Variants in VWA2 observed in about 807,000 individuals in gnomAD.
VWA2 encodes von Willebrand factor A domain containing 2, also known as von Willebrand factor A domain-containing protein 2.
A neutral mutation model predicts 70.4 loss-of-function variants in VWA2; 73 were observed. That is an observed-to-expected ratio of 1.04 (90% CI 0.86 to 1.26). VWA2 has a LOEUF of 1.26. VWA2 is among the 50% of genes most tolerant of loss of function. The probability of loss-of-function intolerance (pLI) is 0.00; values close to 1 mark genes in which losing one functional copy is unlikely to be tolerated. For missense variants in VWA2, 1,011 were observed against 998.5 expected (o/e 1.01, Z -0.17); for synonymous variants, 407 against 423.3 (o/e 0.96, Z 0.47).
chr10:114,246,997 T>C (rs2037086446), intron 1 of VWA2, among the ~76,000 whole-genome samples: 1 of 152,148 alleles, frequency 6.6e-6, no homozygotes, highest in African/African-American at 2.4e-5. Flanking sequence ...CCCCTCAGCC[T>C]GGGCCAGGCA....
chr10:114,282,602 T>C (rs1478502136), intron 9 of VWA2, 31 bp downstream of exon 9: 3 of 1,605,094 alleles, frequency 1.9e-6, no homozygotes, highest in South Asian at 1.1e-5. Context: ...TTACAGGTTC[T>C]TTCAGGGCCC....
chr10:114,283,669 T>C (rs985154450), intron 9 of VWA2, among the ~76,000 whole-genome samples: 1 of 152,250 alleles, frequency 6.6e-6, no homozygotes, highest in Non-Finnish European at 1.5e-5. Context: ...TATAGGGTTT[T>C]TATAGTTCCT....
At position 114,277,168 on chromosome 10, in the gene VWA2, C is replaced by CTT. The variant is rs780326649; in HGVS notation, c.567-717_567-716dup. Reference sequence around the variant, plus strand: ...TCTAGATACATTACTGACTGCACGTCTTTTTTTTTTTTTTTTTTTTTTTTT... The same window carrying CTT: ...TCTAGATACATTACTGACTGCACGTCTTTTTTTTTTTTTTTTTTTTTTTTTTT... On this transcript the variant is annotated intron_variant, in intron 6 of 13. Coordinates refer to ENST00000392982, the MANE Select transcript of VWA2 (RefSeq NM_001272046.2). Among the ~76,000 whole-genome samples, 414 of 61,210 alleles carry CTT rather than the reference C, an allele frequency of 6.8e-3. 122 individuals carry two copies. The highest frequency in any genetic ancestry group is 7.9e-3 in the Non-Finnish European group (256 of 32,336). The allele number at this position is 61,210 out of a possible 152,430, so 40.2% of individuals were successfully genotyped here.
chr10:114,260,231 G>A lies in VWA2; in HGVS notation c.262-955G>A, dbSNP rs1589749324. On this transcript the variant is annotated intron_variant, in intron 4 of 13. Coordinates refer to ENST00000392982, the MANE Select transcript of VWA2 (RefSeq NM_001272046.2). ...TTGTAGTCTTCTCTGCTCAAGACAC[G>A]CTAGTGCCTTAAGGATCCAGAGAGC... Among the ~76,000 whole-genome samples, 3 of 152,138 alleles carry A rather than the reference G, an allele frequency of 2.0e-5. No individual in the cohort carries two copies. In the South Asian group the frequency reaches 6.2e-4, roughly 31 times the overall value.
At chr10:114,284,551 C>G (rs2038608993) in intron 9 of VWA2, among the ~76,000 whole-genome samples, 1 of 152,210 alleles carries the variant, frequency 6.6e-6, no homozygotes. Flanking sequence ...AGCTCTCTCT[C>G]AGTCTTGAGG....
intron 9 of VWA2, among the ~76,000 whole-genome samples, chr10:114,283,311 A>C (rs2038421804): frequency 7.0e-6 from 1 of 142,444 alleles, no homozygotes; most frequent in Non-Finnish European, 1.5e-5. Flanking sequence ...GCAGTTAGAC[A>C]CACAGGCAGG....
intron 6 of VWA2, among the ~76,000 whole-genome samples, chr10:114,277,234 A>T (rs898177004): frequency 8.6e-6 from 1 of 116,068 alleles, no homozygotes; most frequent in Admixed American, 1.3e-4. Context: ...CCCAGGCTGG[A>T]TTGCAGTGGC....
At position 114,278,707 on chromosome 10, in the gene VWA2, T is replaced by C. The variant is rs1387177699; in HGVS notation, c.701-12T>C. 9 of 1,613,698 alleles carry C rather than the reference T, an allele frequency of 5.6e-6. No individual in the cohort carries two copies. The East Asian group carries it at 8.9e-5, about 16-fold the overall frequency. Reference sequence around the variant, plus strand: ...TCTCCTCCGTGGGTGTGGGTGTGTGTTGTGGACACAGACTGCAGGGTCGAG... The same window carrying C: ...TCTCCTCCGTGGGTGTGGGTGTGTGCTGTGGACACAGACTGCAGGGTCGAG... On this transcript the variant is annotated splice_polypyrimidine_tract_variant and intron_variant, in intron 7 of 13. Transcript: ENST00000392982.
intron 4 of VWA2, among the ~76,000 whole-genome samples, chr10:114,258,957 C>T (rs1181074803): frequency 6.6e-6 from 1 of 152,104 alleles, no homozygotes; most frequent in Non-Finnish European, 1.5e-5. Flanking sequence ...AGGATTTCTC[C>T]AGGTCTAATT....
At position 114,288,997 on chromosome 10, in the gene VWA2, C is replaced by T. The variant is rs1178901617; in HGVS notation, c.1630C>T (p.Pro544Ser). The change falls in exon 12 of 14, where the codon CCC becomes TCC. Residue 544 changes from proline (P) to serine (S), a missense_variant. Pro to Ser is a moderately conservative substitution (Grantham distance 74, BLOSUM62 -1). Coordinates refer to ENST00000392982, the MANE Select transcript of VWA2 (RefSeq NM_001272046.2). Reference protein sequence around the residue: ...FMLDTSASVGPENFAQMQSFV... With the variant: ...FMLDTSASVGSENFAQMQSFV... The stretch of plus-strand genomic sequence containing the variant: ...GTTGGACACCTCTGCCTCAGTAGGG[C>T]CCGAGAATTTTGCTCAGATGCAGAG... 6.2e-7 allele frequency: 1 copy of T among 1,614,116 alleles called. No individual in the cohort carries two copies. The highest frequency in any genetic ancestry group is 8.5e-7 in the Non-Finnish European group (1 of 1,180,006).
At chr10:114,265,749 C>T (rs1466172529) in intron 5 of VWA2, among the ~76,000 whole-genome samples, 1 of 152,182 alleles carries the variant, frequency 6.6e-6, no homozygotes, top group Non-Finnish European at 1.5e-5. Context: ...AGAATGAAGA[C>T]TTCTTATGTG....
chr10:114,282,017 C>CTTTTTTCTTTTTT, intron 8 of VWA2, among the ~76,000 whole-genome samples: 1 of 119,704 alleles, frequency 8.4e-6, no homozygotes, highest in South Asian at 2.7e-4. Context: ...CTTATGTTAC[C>CTTTTTTCTTTTTT]TTTTTTTTTT....
rs182595291 is a variant in VWA2, at chr10:114,250,092, A to C, written c.52+1327A>C. ...CAATTCCCCTGGGACCTCCAGATCA[A>C]GTCACATCCCCCTCTTCAAACCCCT... On this transcript the variant is annotated intron_variant, in intron 2 of 13. Coordinates refer to ENST00000392982, the MANE Select transcript of VWA2 (RefSeq NM_001272046.2). Among the ~76,000 whole-genome samples the C allele has an allele frequency of 1.0e-3, 158 of 152,312 alleles. 1 individual carries two copies. Among genetic ancestry groups the C allele is most frequent in the African/African-American group, 3.7e-3 (152 of 41,570 alleles).
At chr10:114,242,503 G>A (rs2036990706) in intron 1 of VWA2, among the ~76,000 whole-genome samples, 1 of 151,524 alleles carries the variant, frequency 6.6e-6, no homozygotes, top group Non-Finnish European at 1.5e-5. Flanking sequence ...GTGCCCCTGT[G>A]TACCAGTAAA....
At chr10:114,277,669 T>C (rs975252036) in intron 6 of VWA2, among the ~76,000 whole-genome samples, 1 of 152,234 alleles carries the variant, frequency 6.6e-6, no homozygotes, top group African/African-American at 2.4e-5. Context: ...TTACGTCCAT[T>C]GTTTATCATT....
At position 114,294,172 on chromosome 10, in the gene VWA2, A is replaced by AT. The variant is rs2039858180; in HGVS notation, c.*2940dup. Among the ~76,000 whole-genome samples, 1 of 152,052 alleles carries AT rather than the reference A, an allele frequency of 6.6e-6. No individual in the cohort carries two copies. The highest frequency in any genetic ancestry group is 1.5e-5 in the Non-Finnish European group (1 of 67,992). ...TGCATCATTCTATAAACCCTGCTGA[A>AT]TTTTTCATTTGCCAACATCTTATTT... On this transcript the variant is annotated 3_prime_UTR_variant, in exon 14 of 14. Coordinates refer to ENST00000392982, the MANE Select transcript of VWA2 (RefSeq NM_001272046.2).
intron 11 of VWA2, among the ~76,000 whole-genome samples, chr10:114,287,088 C>A (rs1318306631): frequency 6.6e-6 from 1 of 152,226 alleles, no homozygotes; most frequent in Non-Finnish European, 1.5e-5. Flanking sequence ...AGCCATGAAG[C>A]TGATTTTTTA....
At chr10:114,290,506 T>A in intron 13 of VWA2, 141 bp downstream of exon 13, 1 of 1,181,536 alleles carries the variant, frequency 8.5e-7, no homozygotes, top group Non-Finnish European at 1.2e-6. Context: ...CACGAAACAT[T>A]TAGTGAGTAC....
chr10:114,246,763 C>A (rs3851560), intron 1 of VWA2: 4 of 1,353,116 alleles, frequency 3.0e-6, no homozygotes, highest in African/African-American at 2.9e-5. Flanking sequence ...TGCTGTATAA[C>A]CTTTCAGGAA....
Sources: gnomAD v4.1 joint callset for allele counts (sites outside exome capture counted in the v4.1 genomes callset) on GRCh38, gnomAD v4.1.1 for gene constraint, MANE v1.5 for transcripts, NCBI Gene and HGNC (gene_info 2026-07-23, HGNC 2026-07-21) for gene names.